Variants in AGAP1 observed in about 807,000 individuals in gnomAD.
AGAP1 encodes the protein ArfGAP with GTPase domain, ankyrin repeat and PH domain 1.
AGAP1 carries 29 observed loss-of-function variants against 105.3 expected under a neutral mutation model. The observed-to-expected ratio is 0.28, with a 90% CI of 0.21 to 0.38. AGAP1 has a LOEUF of 0.38. Among genes scored for constraint, AGAP1 ranks in the 10% least tolerant of loss-of-function variants. The pLI is 1.00. For synonymous variants in AGAP1, 509 were observed against 485.9 expected, an observed-to-expected ratio of 1.05 and a Z score of -0.63; for missense variants, 998 against 1,165.1, an observed-to-expected ratio of 0.86 and a Z score of 2.09.
rs1270942506 is a variant in AGAP1, at chr2:235,716,912, A to C, written c.223-645A>C. 2.6e-5 allele frequency among the ~76,000 whole-genome samples: 4 copies of C among 151,866 alleles called. No individual in the cohort carries two copies. Among genetic ancestry groups the C allele is most frequent in the African/African-American group, 7.3e-5 (3 of 41,322 alleles). ...TGAGGGTCGCCTTCTAATCCAGCAC[A>C]AACGAGCACCTTTGCCGTCTCTCCC... On this transcript the variant is annotated intron_variant, in intron 2 of 17. Coordinates refer to ENST00000304032, the MANE Select transcript of AGAP1 (RefSeq NM_001037131.3). This position sits in a 1 kb window ranked among gnomAD's most constrained non-coding sequence, Gnocchi z 4.0.
chr2:235,787,180 GAGC>G lies in AGAP1; in HGVS notation c.674-10578_674-10576del, dbSNP rs1956694947. On this transcript the variant is annotated intron_variant, in intron 6 of 17. Coordinates refer to ENST00000304032, the MANE Select transcript of AGAP1 (RefSeq NM_001037131.3). This position sits in a 1 kb window ranked among gnomAD's most constrained non-coding sequence, Gnocchi z 4.4. The stretch of plus-strand genomic sequence containing the variant: ...TCTCCCCTCTCCTGTTGTAAGAGTT[GAGC>G]TAGCAGGGGCCGCCTCTACCCTTGG... 6.6e-6 allele frequency among the ~76,000 whole-genome samples: 1 copy of G among 152,176 alleles called. No individual in the cohort carries two copies. The highest frequency in any genetic ancestry group is 2.4e-5 in the African/African-American group (1 of 41,440).
rs1946100546 is a variant in AGAP1 at position 235,610,783 on chromosome 2, A to G, written c.164-98396A>G. Among the ~76,000 whole-genome samples, 1 of 151,900 alleles carries G rather than the reference A, an allele frequency of 6.6e-6. No homozygotes were observed. The highest frequency in any genetic ancestry group is 1.5e-5 in the Non-Finnish European group (1 of 67,980). ...TGGGCTGGGGAGGAGGTGCGCTAAG[A>G]CTGGGCCACAGGTGTGCTCTGGTTC... On this transcript the variant is annotated intron_variant, in intron 1 of 17. Transcript: ENST00000304032. The surrounding 1 kb of genome is among the most constrained non-coding windows in gnomAD (Gnocchi z 4.9).
rs1314146332 is a variant in AGAP1 at position 235,982,713 on chromosome 2, C to G, written c.1645+14090C>G. ...CCGAAGCCAGCCCTTGGCTGCCATT[C>G]TTTCCAGACTTCCACCATTGTGCCC... On this transcript the variant is annotated intron_variant, in intron 13 of 17. Transcript: ENST00000304032. This position sits in a 1 kb window ranked among gnomAD's most constrained non-coding sequence, Gnocchi z 4.9. Among the ~76,000 whole-genome samples, 1 of 152,232 alleles carries G rather than the reference C, an allele frequency of 6.6e-6. No homozygotes were observed. The highest frequency in any genetic ancestry group is 1.5e-5 in the Non-Finnish European group (1 of 68,044).
At chr2:235,514,774 T>C (rs928176136) in intron 1 of AGAP1, among the ~76,000 whole-genome samples, 9 of 152,228 alleles carry the variant, frequency 5.9e-5, no homozygotes, top group African/African-American at 2.2e-4. Context: ...CCCCGGTGTC[T>C]CATCCAGGAC....
At position 235,750,277 on chromosome 2, in the gene AGAP1, C is replaced by T. The variant is rs1953320935; in HGVS notation, c.539-77C>T. On this transcript the variant is annotated intron_variant, in intron 5 of 17. Coordinates refer to ENST00000304032, the MANE Select transcript of AGAP1 (RefSeq NM_001037131.3). The surrounding 1 kb of genome is among the most constrained non-coding windows in gnomAD (Gnocchi z 5.3). Reference sequence around the variant, plus strand: ...TTCTGCTGAGTAAGGTACTGGTTTTCCGTGTTGTGGGGAGTGTAGGAAGTA... The same window carrying T: ...TTCTGCTGAGTAAGGTACTGGTTTTTCGTGTTGTGGGGAGTGTAGGAAGTA... The T allele has an allele frequency of 5.0e-6, 8 of 1,585,320 alleles. No individual in the cohort carries two copies. Among genetic ancestry groups the T allele is most frequent in the Non-Finnish European group, 6.9e-6 (8 of 1,156,934 alleles).
At chr2:235,572,007 T>TAC in intron 1 of AGAP1, among the ~76,000 whole-genome samples, 1 of 117,094 alleles carries the variant, frequency 8.5e-6, no homozygotes, top group Non-Finnish European at 1.8e-5. Context: ...CACACACTTT[T>TAC]TTTTTTTTTT....
intron 1 of AGAP1, among the ~76,000 whole-genome samples, chr2:235,547,188 A>C (rs1032281487): frequency 2.0e-5 from 3 of 152,118 alleles, no homozygotes; most frequent in Non-Finnish European, 4.4e-5. Context: ...AACTCCAAGG[A>C]GATGGCCTAG....
intron 1 of AGAP1, among the ~76,000 whole-genome samples, chr2:235,708,481 G>A (rs1288906700): frequency 6.6e-6 from 1 of 152,160 alleles, no homozygotes; most frequent in African/African-American, 2.4e-5. Flanking sequence ...GGGGGAGAGT[G>A]CACCTGCAGA....
At chr2:235,767,430 G>A (rs1955055158) in intron 6 of AGAP1, among the ~76,000 whole-genome samples, 1 of 152,176 alleles carries the variant, frequency 6.6e-6, no homozygotes, top group Non-Finnish European at 1.5e-5. Flanking sequence ...TGGGGGTCCG[G>A]CCCACACCAT....
intron 16 of AGAP1, among the ~76,000 whole-genome samples, chr2:236,108,428 G>C (rs1405249112): frequency 6.6e-6 from 1 of 152,120 alleles, no homozygotes; most frequent in Non-Finnish European, 1.5e-5. Flanking sequence ...GTCCCCTCCA[G>C]TGTCTGCTCC....
chr2:236,097,214 T>C (rs543731332), intron 16 of AGAP1, among the ~76,000 whole-genome samples: 4 of 152,056 alleles, frequency 2.6e-5, no homozygotes, highest in Admixed American at 6.6e-5. Context: ...GGTAAAAATG[T>C]ATTAATTTTA....
intron 13 of AGAP1, among the ~76,000 whole-genome samples, chr2:235,986,231 A>T (rs781443154): frequency 2.0e-5 from 3 of 152,018 alleles, no homozygotes; most frequent in South Asian, 4.2e-4. Flanking sequence ...CTTTGTAGAG[A>T]TTGTGAATGA....
At position 235,962,751 on chromosome 2, in the gene AGAP1, C is replaced by T. The variant is rs928592497; in HGVS notation, c.1484-5711C>T. 6.6e-5 allele frequency among the ~76,000 whole-genome samples: 10 copies of T among 152,168 alleles called. No homozygotes were observed. Among genetic ancestry groups the T allele is most frequent in the Non-Finnish European group, 1.5e-4 (10 of 68,032 alleles). ...TGCGAGAGGTTGAAAACTAGAAGCT[C>T]TGGTTGAAATTCCATGGGGTTTCTC... On this transcript the variant is annotated intron_variant, in intron 12 of 17. Transcript: ENST00000304032. This position sits in a 1 kb window ranked among gnomAD's most constrained non-coding sequence, Gnocchi z 5.3.
In AGAP1 at chr2:236,126,045, TTAAAG is replaced by T. The variant is rs1330084950; in HGVS notation, c.*1926_*1930del. Reference sequence around the variant, plus strand: ...CTCTTATTTCACTTTTTAAAAAAAATTAAAGTAGGTGGGGAAAAAAATAAAGCTTT... The same window carrying T: ...CTCTTATTTCACTTTTTAAAAAAAATTAGGTGGGGAAAAAAATAAAGCTTT... On this transcript the variant is annotated 3_prime_UTR_variant, in exon 18 of 18. Coordinates refer to ENST00000304032, the MANE Select transcript of AGAP1 (RefSeq NM_001037131.3). The T allele has an allele frequency of 1.3e-5, 2 of 151,926 alleles. No homozygotes were observed. Among genetic ancestry groups the T allele is most frequent in the Non-Finnish European group, 1.5e-5 (1 of 68,000 alleles). The allele number at this position is 151,926 out of a possible 1,614,324, so 9.4% of individuals were successfully genotyped here. A position where few individuals can be genotyped will look rare whatever the true frequency, so the allele number is the denominator to read the frequency against.
rs59007077 is a variant in AGAP1, at chr2:236,047,598, C to CTTTTTTTTT, written c.1892-1447_1892-1439dup. Among the ~76,000 whole-genome samples, 265 of 68,292 alleles carry CTTTTTTTTT rather than the reference C, an allele frequency of 3.9e-3. 31 individuals are homozygous for CTTTTTTTTT. The highest frequency in any genetic ancestry group is 0.015 in the Middle Eastern group (1 of 68). 44.8% of individuals were successfully genotyped at this position (68,292 alleles called of 152,430 possible). A position where few individuals can be genotyped will look rare whatever the true frequency, so the allele number is the denominator to read the frequency against. On this transcript the variant is annotated intron_variant, in intron 15 of 17. Coordinates refer to ENST00000304032, the MANE Select transcript of AGAP1 (RefSeq NM_001037131.3). ...GTCACAGACCTCTCTTCTCACATTT[C>CTTTTTTTTT]TTTTTTTTTTTTTTTTTTTTTTGAG...
At chr2:235,516,592 C>T (rs889321200) in intron 1 of AGAP1, among the ~76,000 whole-genome samples, 1 of 152,146 alleles carries the variant, frequency 6.6e-6, no homozygotes, top group African/African-American at 2.4e-5. Context: ...GTTCATGCCG[C>T]CCGTATTCCT....
At chr2:235,575,148 A>G (rs970411182) in intron 1 of AGAP1, among the ~76,000 whole-genome samples, 3 of 152,092 alleles carry the variant, frequency 2.0e-5, no homozygotes, top group Admixed American at 2.0e-4. Flanking sequence ...ACAAACCAAA[A>G]AAAAAGGTGA....
intron 1 of AGAP1, among the ~76,000 whole-genome samples, chr2:235,509,750 G>T (rs1169203373): frequency 2.0e-5 from 3 of 152,072 alleles, no homozygotes; most frequent in Non-Finnish European, 4.4e-5. Context: ...GAATAAAATA[G>T]AAATAAGATC....
At chr2:235,948,569 C>T (rs1455690873) in intron 12 of AGAP1, among the ~76,000 whole-genome samples, 1 of 152,216 alleles carries the variant, frequency 6.6e-6, no homozygotes, top group Non-Finnish European at 1.5e-5. Context: ...TTGAGAATTT[C>T]CATGGCCGCT....
Sources: allele counts gnomAD v4.1 joint callset (sites outside exome capture counted in the v4.1 genomes callset), GRCh38; gene constraint gnomAD v4.1.1; non-coding constraint Gnocchi (gnomAD v3.1); transcripts MANE v1.5; gene names NCBI Gene and HGNC (gene_info 2026-07-23, HGNC 2026-07-21).